The following HACD3 variants were observed in gnomAD, a reference collection of about 807,000 sequenced individuals.
HACD3 encodes the protein very-long-chain (3R)-3-hydroxyacyl-CoA dehydratase 3.
HACD3 carries 30 observed loss-of-function variants against 55.2 expected under a neutral mutation model. The ratio of observed to expected loss-of-function variants is 0.54; its 90% CI spans 0.41 to 0.74. The LOEUF is 0.74. Among genes scored for constraint, HACD3 ranks in the 30% least tolerant of loss-of-function variants. The pLI is 0.00. For missense variants in HACD3, 363 were observed against 440.1 expected, an observed-to-expected ratio of 0.82 and a Z score of 1.57; for synonymous variants, 141 against 151.7, an observed-to-expected ratio of 0.93 and a Z score of 0.52.
At chr15:65,530,908 A>AC (rs1290018902) in intron 1 of HACD3, 190 bp downstream of exon 1, 2 of 563,442 alleles carry the variant, frequency 3.5e-6, no homozygotes, top group Admixed American at 3.6e-5. Context: ...CGGGGGCACA[A>AC]CCCCCCGAGG....
At chr15:65,553,383 T>G (rs2072154734) in intron 2 of HACD3, among the ~76,000 whole-genome samples, 1 of 152,128 alleles carries the variant, frequency 6.6e-6, no homozygotes, top group Non-Finnish European at 1.5e-5. Context: ...TGAATCTGCC[T>G]CTATCTGCCT....
Position 65,533,127 on chromosome 15 carries a change from G to T in HACD3, c.87+2409G>T, listed in dbSNP as rs909718903. Among the ~76,000 whole-genome samples, 5 of 152,310 alleles carry T rather than the reference G, an allele frequency of 3.3e-5. No homozygotes were observed. The Middle Eastern group carries it at 0.01, about 311-fold the overall frequency. On this transcript the variant is annotated intron_variant, in intron 1 of 10. Coordinates refer to ENST00000261875, the MANE Select transcript of HACD3 (RefSeq NM_016395.4). ...TAGACACTTGTAATCTCTGACTTAA[G>T]CCGTGTCAATGCCCAAAGGCCACCA...
At chr15:65,534,341 T>C (rs1295329646) in intron 1 of HACD3, 1 of 152,248 alleles carries the variant, frequency 6.6e-6, no homozygotes. Flanking sequence ...CTGTCTTGGA[T>C]GCTGCAGGGC....
chr15:65,549,416 T>A (rs1214925702), intron 1 of HACD3, among the ~76,000 whole-genome samples: 1 of 129,690 alleles, frequency 7.7e-6, no homozygotes, highest in Non-Finnish European at 1.6e-5. Context: ...TGTAATCCCA[T>A]CTCTGCTGGG....
At chr15:65,564,153 G>C in intron 6 of HACD3, 62 bp from the exon 7 acceptor site, 2 of 1,549,162 alleles carry the variant, frequency 1.3e-6, no homozygotes, top group Non-Finnish European at 1.8e-6. Context: ...AATCTAGTTT[G>C]AGAAATAGTT....
In HACD3 at chr15:65,537,945, AAAAAAAAAAAAAAATATATATATATAT is replaced by A. The variant is rs1423652381; in HGVS notation, c.87+7229_87+7255del. On this transcript the variant is annotated intron_variant, in intron 1 of 10. Coordinates refer to ENST00000261875, the MANE Select transcript of HACD3 (RefSeq NM_016395.4). ...AGGCCAACTTCTCAGAAAAAAAAAAAAAAAAAAAAAAAAATATATATATATATATATATATATATATATATATATATA... is the reference window on the plus strand; with the variant it reads ...AGGCCAACTTCTCAGAAAAAAAAAAAATATATATATATATATATATATATA... Among the ~76,000 whole-genome samples the A allele has an allele frequency of 5.2e-3, 188 of 36,462 alleles. 4 individuals are homozygous for A. The highest frequency in any genetic ancestry group is 0.017 in the African/African-American group (159 of 9,142). The allele number at this position is 36,462 out of a possible 152,430, so 23.9% of individuals were successfully genotyped here. A position where few individuals can be genotyped will look rare whatever the true frequency, so the allele number is the denominator to read the frequency against.
chr15:65,548,479 T>C (rs1361110387), intron 1 of HACD3, among the ~76,000 whole-genome samples: 1 of 140,334 alleles, frequency 7.1e-6, no homozygotes, highest in African/African-American at 2.7e-5. Flanking sequence ...ACCACTTCAC[T>C]CCAGCCCTGG....
At chr15:65,535,556 G>A (rs1466199972) in intron 1 of HACD3, among the ~76,000 whole-genome samples, 1 of 152,186 alleles carries the variant, frequency 6.6e-6, no homozygotes, top group African/African-American at 2.4e-5. Flanking sequence ...TGGCAACAAA[G>A]TCTGTTGGCG....
intron 5 of HACD3, 67 bp downstream of exon 5, chr15:65,558,798 G>A: frequency 6.6e-7 from 1 of 1,511,206 alleles, no homozygotes; most frequent in Non-Finnish European, 9.0e-7. Flanking sequence ...ATGGATAATT[G>A]TGATGTGGCA....
Position 65,554,916 on chromosome 15 carries a change from G to A in HACD3, c.160G>A (p.Val54Ile). 1 of 1,612,664 alleles carries A rather than the reference G, an allele frequency of 6.2e-7. No individual in the cohort carries two copies. The highest frequency in any genetic ancestry group is 8.5e-7 in the Non-Finnish European group (1 of 1,178,714). The change falls in exon 3 of 11, where the codon GTC becomes ATC. Residue 54 changes from valine to isoleucine, a missense_variant. Val to Ile is a conservative substitution (Grantham distance 29, BLOSUM62 3). Transcript: ENST00000261875. ...AQGHGAKGDNVYEFHLEFLDL... is the reference protein window; with the variant it reads ...AQGHGAKGDNIYEFHLEFLDL... ...AGGACATGGTGCCAAAGGAGACAAT[G>A]TCTATGAATTTCACCTGGAGTTCTT...
chr15:65,536,461 TTAA>T (rs1477148806), intron 1 of HACD3, among the ~76,000 whole-genome samples: 1 of 152,142 alleles, frequency 6.6e-6, no homozygotes, highest in Non-Finnish European at 1.5e-5. Context: ...ATTAAGCCAG[TTAA>T]TAACCCTACA....
At chr15:65,555,404 A>G (rs2072179512) in intron 3 of HACD3, among the ~76,000 whole-genome samples, 1 of 152,202 alleles carries the variant, frequency 6.6e-6, no homozygotes, top group Admixed American at 6.5e-5. Context: ...TAGAAATCAG[A>G]AAGGGTGAAG....
intron 1 of HACD3, among the ~76,000 whole-genome samples, chr15:65,537,529 G>A (rs564356675): frequency 6.7e-4 from 101 of 151,774 alleles, no homozygotes; most frequent in African/African-American, 2.3e-3. Flanking sequence ...GGTGGCTCAT[G>A]TCTGTAATCC....
chr15:65,531,156 G>T (rs1219566110), intron 1 of HACD3: 1 of 151,340 alleles, frequency 6.6e-6, no homozygotes, highest in Non-Finnish European at 1.5e-5. Context: ...GCTGGCCTGA[G>T]AGGTCCAGCC....
At chr15:65,556,393 G>A (rs1277464732) in intron 3 of HACD3, among the ~76,000 whole-genome samples, 5 of 152,112 alleles carry the variant, frequency 3.3e-5, no homozygotes, top group African/African-American at 4.8e-5. Flanking sequence ...TAGAGTTCAC[G>A]CTCCTATGTG....
Position 65,564,238 on chromosome 15 carries a change from A to G in HACD3, c.556A>G (p.Thr186Ala). Reference sequence around the variant, plus strand: ...AGAGTCCTTTTATGACACATTCCATACTGTGGCTGACATGATGTATTTCTG... The same window carrying G: ...AGAGTCCTTTTATGACACATTCCATGCTGTGGCTGACATGATGTATTTCTG... ...GKESFYDTFH[T>A]VADMMYFCQM... Residue 186 changes from threonine to alanine, a missense_variant, in exon 7 of 11, where the codon ACT becomes GCT. Physicochemically the swap from Thr to Ala is moderately conservative, Grantham distance 58. Transcript: ENST00000261875. 6.2e-7 allele frequency: 1 copy of G among 1,613,740 alleles called. No homozygotes were observed. The highest frequency in any genetic ancestry group is 8.5e-7 in the Non-Finnish European group (1 of 1,179,732).
rs1029142528 is a variant in HACD3, at chr15:65,555,057, A to C, written c.204+97A>C. On this transcript the variant is annotated intron_variant, in intron 3 of 10. Transcript: ENST00000261875. ...GCAGGGTTTGTGGAGAGAAGAAGATAAAAACCAAAGGGGAATAATAGAGTT... is the reference window on the plus strand; with the variant it reads ...GCAGGGTTTGTGGAGAGAAGAAGATCAAAACCAAAGGGGAATAATAGAGTT... The C allele has an allele frequency of 7.2e-6, 7 of 973,952 alleles. No individual in the cohort carries two copies. The African/African-American group carries it at 1.1e-4, about 16-fold the overall frequency. 60.3% of individuals were successfully genotyped at this position (973,952 alleles called of 1,614,324 possible). A position where few individuals can be genotyped will look rare whatever the true frequency, so the allele number is the denominator to read the frequency against.
In HACD3 at chr15:65,535,135, AC is replaced by A. The variant is rs372876626; in HGVS notation, c.87+4418del. 2.8e-4 allele frequency among the ~76,000 whole-genome samples: 42 copies of A among 152,324 alleles called. No homozygotes were observed. The East Asian group carries it at 5.0e-3, about 18-fold the overall frequency. On this transcript the variant is annotated intron_variant, in intron 1 of 10. Coordinates refer to ENST00000261875, the MANE Select transcript of HACD3 (RefSeq NM_016395.4). ...AGTTTCAGGTGCATTAATGACCTAA[AC>A]GCATAAAGAAAAACTACTAAAAAGA...
chr15:65,559,717 G>A (rs1376284828), intron 5 of HACD3, among the ~76,000 whole-genome samples: 2 of 151,806 alleles, frequency 1.3e-5, no homozygotes, highest in Non-Finnish European at 2.9e-5. Flanking sequence ...TACCTTAGGG[G>A]AATATTCTTT....
Sources: allele counts gnomAD v4.1 joint callset (sites outside exome capture counted in the v4.1 genomes callset), GRCh38; gene constraint gnomAD v4.1.1; transcripts MANE v1.5; gene names NCBI Gene and HGNC (gene_info 2026-07-23, HGNC 2026-07-21).